CPXM2: variants seen among roughly 807,000 people sequenced by gnomAD.
The protein encoded by CPXM2 is inactive carboxypeptidase-like protein X2.
CPXM2 carries 66 observed loss-of-function variants against 86.1 expected under a neutral mutation model. The observed-to-expected ratio is 0.77, with a 90% CI of 0.63 to 0.94. CPXM2 has a LOEUF of 0.94. Among genes scored for constraint, CPXM2 ranks in the 40% least tolerant of loss-of-function variants. CPXM2 has a pLI of 0.00. For missense variants in CPXM2, 948 were observed against 1,026.3 expected (o/e 0.92, Z 1.04); for synonymous variants, 388 against 400.2 (o/e 0.97, Z 0.36).
At position 123,787,850 on chromosome 10, in the gene CPXM2, CGG is replaced by C. The variant is rs575968693; in HGVS notation, c.890-7597_890-7596del. ...TAGGGACAGCAGATTCCAAGTTACC[CGG>C]GGATGGCGGAGGGGCTGGGGAGTGA... On this transcript the variant is annotated intron_variant, in intron 6 of 13. Coordinates refer to ENST00000241305, the MANE Select transcript of CPXM2 (RefSeq NM_198148.3). Among the ~76,000 whole-genome samples, 18 of 152,094 alleles carry C rather than the reference CGG, an allele frequency of 1.2e-4. 1 individual carries two copies. The highest frequency in any genetic ancestry group is 2.6e-4 in the Admixed American group (4 of 15,274).
In CPXM2 at chr10:123,912,315, G is replaced by T. The variant is rs1238370521; in HGVS notation, n.174+27162C>A. On this transcript the variant is annotated intron_variant and non_coding_transcript_variant, in intron 2 of 19. Coordinates refer to the CPXM2 transcript ENST00000368854. Reference sequence around the variant, plus strand: ...GAGTGTGCAGATGGTGGGCGGGGGGGGGGGGGCAGGCATTCCTGCCCTGCT... The same window carrying T: ...GAGTGTGCAGATGGTGGGCGGGGGGTGGGGGGCAGGCATTCCTGCCCTGCT... Among the ~76,000 whole-genome samples, 8 of 130,442 alleles carry T rather than the reference G, an allele frequency of 6.1e-5. No individual in the cohort carries two copies. The South Asian group carries it at 8.7e-4, about 14-fold the overall frequency. The allele number at this position is 130,442 out of a possible 152,430, so 85.6% of individuals were successfully genotyped here.
At chr10:123,862,145 C>G (rs1848862281) in intron 3 of CPXM2, among the ~76,000 whole-genome samples, 1 of 152,164 alleles carries the variant, frequency 6.6e-6, no homozygotes, top group African/African-American at 2.4e-5. Flanking sequence ...GTCCCAGGAG[C>G]CATGCAGGGC....
chr10:123,922,528 G>A (rs1945586619), intron 2 of CPXM2, among the ~76,000 whole-genome samples: 1 of 152,150 alleles, frequency 6.6e-6, no homozygotes, highest in Non-Finnish European at 1.5e-5. Flanking sequence ...GATTTTTTGT[G>A]ATCCTCACTC....
intron 2 of CPXM2, among the ~76,000 whole-genome samples, chr10:123,915,212 C>T (rs1945525612): frequency 6.6e-6 from 1 of 152,198 alleles, no homozygotes; most frequent in Non-Finnish European, 1.5e-5. Context: ...TCTGACTCTG[C>T]ACATCATCCC....
At chr10:123,825,391 C>T (rs955399002) in intron 4 of CPXM2, among the ~76,000 whole-genome samples, 14 of 152,234 alleles carry the variant, frequency 9.2e-5, no homozygotes, top group African/African-American at 3.1e-4. Context: ...CTGAATGCAG[C>T]AGGCCGTGGA....
Position 123,762,017 on chromosome 10 carries a change from G to A in CPXM2, c.1632C>T (p.Asp544=), listed in dbSNP as rs10794566. ...WKTQEHTPTP[D]DHVFRWLAYS... is the part of the protein sequence containing the mutation. ...AGGCCAGCCAGCGGAACACGTGGTCGTCGGGGGTGGGGGTGTGTTCCTGCG... is the reference window on the plus strand; with the variant it reads ...AGGCCAGCCAGCGGAACACGTGGTCATCGGGGGTGGGGGTGTGTTCCTGCG... The change falls in exon 11 of 14, where the codon GAC becomes GAT. Residue 544 remains aspartate (D), a synonymous_variant. Coordinates refer to ENST00000241305, the MANE Select transcript of CPXM2 (RefSeq NM_198148.3). 0.73 allele frequency: 1,182,692 copies of A among 1,613,368 alleles called. 437,417 individuals carry two copies. Among genetic ancestry groups the A allele is most frequent in the Non-Finnish European group, 0.76 (891,631 of 1,179,672 alleles).
At chr10:123,772,050 T>C (rs966649229) in intron 7 of CPXM2, among the ~76,000 whole-genome samples, 1 of 152,224 alleles carries the variant, frequency 6.6e-6, no homozygotes, top group African/African-American at 2.4e-5. Context: ...TCTCTGGTTG[T>C]GGCTATCACA....
At chr10:123,774,312 G>A (rs547500679) in intron 7 of CPXM2, among the ~76,000 whole-genome samples, 117 of 152,334 alleles carry the variant, frequency 7.7e-4, no homozygotes, top group African/African-American at 2.8e-3. Flanking sequence ...GCGTGGAACT[G>A]AGTGCGTTCT....
Position 123,803,150 on chromosome 10 carries a change from T to G in CPXM2, c.654-3951A>C, listed in dbSNP as rs1289774525. ...TTTTTTTTTTTTTTTTTTTTTTTTT[T>G]GAGACAGCGTTTTGCTCTGTCACCC... On this transcript the variant is annotated intron_variant, in intron 4 of 13. Coordinates refer to ENST00000241305, the MANE Select transcript of CPXM2 (RefSeq NM_198148.3). Among the ~76,000 whole-genome samples the G allele has an allele frequency of 1.8e-4, 19 of 103,946 alleles. No homozygotes were observed. In the East Asian group the frequency reaches 6.0e-3, roughly 33 times the overall value. The allele number at this position is 103,946 out of a possible 152,430, so 68.2% of individuals were successfully genotyped here.
chr10:123,938,810 C>T (rs541852739), intron 2 of CPXM2, among the ~76,000 whole-genome samples: 19 of 151,728 alleles, frequency 1.3e-4, no homozygotes, highest in East Asian at 1.9e-4. Flanking sequence ...AATGTAGAGT[C>T]GGTGATGGCA....
intron 2 of CPXM2, among the ~76,000 whole-genome samples, chr10:123,908,409 C>T (rs1411949763): frequency 1.3e-5 from 2 of 152,218 alleles, no homozygotes; most frequent in Non-Finnish European, 2.9e-5. Flanking sequence ...GCCAGATCAC[C>T]TGCAAGTTTC....
chr10:123,851,944 A>G (rs916859201), intron 3 of CPXM2, among the ~76,000 whole-genome samples: 3 of 152,080 alleles, frequency 2.0e-5, no homozygotes, highest in Admixed American at 2.0e-4. Flanking sequence ...AGCCTGAGGT[A>G]CCAGGGAGGC....
chr10:123,838,942 C>T lies in CPXM2; in HGVS notation c.653+3407G>A, dbSNP rs554595484. Among the ~76,000 whole-genome samples the T allele has an allele frequency of 2.0e-5, 3 of 152,278 alleles. No individual in the cohort carries two copies. The East Asian group carries it at 5.8e-4, about 29-fold the overall frequency. ...GGAGAAGAGGGGAGGACCAGGCAGG[C>T]GACTGTCCCCAAATCCTCAGACTCA... On this transcript the variant is annotated intron_variant, in intron 4 of 13. Transcript: ENST00000241305.
intron 2 of CPXM2, among the ~76,000 whole-genome samples, chr10:123,905,974 C>T (rs1048193919): frequency 2.0e-5 from 3 of 152,206 alleles, no homozygotes; most frequent in Non-Finnish European, 2.9e-5. Context: ...CCAAGCCCCA[C>T]CTCCCGACGG....
At chr10:123,883,957 T>G (rs1395907440) in intron 1 of CPXM2, among the ~76,000 whole-genome samples, 5 of 152,146 alleles carry the variant, frequency 3.3e-5, no homozygotes, top group Non-Finnish European at 7.3e-5. Context: ...CCGAATCCCT[T>G]AAAAGTAGCA....
At chr10:123,832,551 G>A (rs1245386261) in intron 4 of CPXM2, among the ~76,000 whole-genome samples, 2 of 152,110 alleles carry the variant, frequency 1.3e-5, no homozygotes, top group Non-Finnish European at 2.9e-5. Flanking sequence ...GGTAGGCTGG[G>A]CACAGTGGCT....
chr10:123,780,342 A>T, intron 6 of CPXM2, 87 bp from the exon 7 acceptor site: 2 of 901,018 alleles, frequency 2.2e-6, no homozygotes, highest in Non-Finnish European at 3.7e-6. Context: ...GACTGCACGG[A>T]CAGTGCAGCC....
chr10:123,901,812 A>C (rs1417791777), intron 2 of CPXM2, among the ~76,000 whole-genome samples: 3 of 152,174 alleles, frequency 2.0e-5, no homozygotes, highest in East Asian at 1.9e-4. Flanking sequence ...TGCCAATCAG[A>C]GACCAGCTGT....
At chr10:123,772,536 T>C (rs80316240) in intron 7 of CPXM2, among the ~76,000 whole-genome samples, 2,679 of 152,086 alleles carry the variant, frequency 0.018, 39 homozygotes, top group Non-Finnish European at 0.028. Context: ...CTGGTTGTGG[T>C]CATCACCTCC....
Sources: allele counts gnomAD v4.1 joint callset (sites outside exome capture counted in the v4.1 genomes callset), GRCh38; gene constraint gnomAD v4.1.1; transcripts MANE v1.5; gene names NCBI Gene and HGNC (gene_info 2026-07-23, HGNC 2026-07-21).